The following ATF7IP2 variants were observed in gnomAD, a reference collection of about 807,000 sequenced individuals.
ATF7IP2 encodes the protein activating transcription factor 7-interacting protein 2.
A neutral mutation model predicts 64.2 loss-of-function variants in ATF7IP2; 42 were observed. The ratio of observed to expected loss-of-function variants is 0.65; its 90% CI spans 0.51 to 0.85. The LOEUF (loss-of-function observed/expected upper bound fraction) is 0.85. Ranked by LOEUF, ATF7IP2 falls within the 40% of genes least tolerant of loss-of-function variation. The pLI is 0.00. For synonymous variants in ATF7IP2, 308 were observed against 272.8 expected, an observed-to-expected ratio of 1.13 and a Z score of -1.27; for missense variants, 933 against 784.2, an observed-to-expected ratio of 1.19 and a Z score of -2.27.
At chr16:10,409,495 A>AC (rs1555505416) in intron 1 of ATF7IP2, among the ~76,000 whole-genome samples, 2 of 149,488 alleles carry the variant, frequency 1.3e-5, no homozygotes, top group Non-Finnish European at 3.0e-5. Flanking sequence ...TCCTTGATCC[A>AC]TTTTTTTTTT....
chr16:10,473,686 C>T (rs2049892521), intron 11 of ATF7IP2, 152 bp downstream of exon 11: 3 of 667,738 alleles, frequency 4.5e-6, no homozygotes, highest in Non-Finnish European at 7.8e-6. Flanking sequence ...CATAACGATA[C>T]TCATTTACCA....
intron 1 of ATF7IP2, among the ~76,000 whole-genome samples, chr16:10,412,200 A>G (rs553013062): frequency 6.8e-6 from 1 of 147,772 alleles, no homozygotes; most frequent in East Asian, 2.0e-4. Flanking sequence ...TCTTAGTTAT[A>G]TTCTTTCTTG....
chr16:10,415,307 G>A (rs191066566), intron 2 of ATF7IP2, among the ~76,000 whole-genome samples: 48 of 152,174 alleles, frequency 3.2e-4, no homozygotes, highest in South Asian at 2.9e-3. Context: ...TAGATATCCC[G>A]GAAACAAATC....
intron 1 of ATF7IP2, among the ~76,000 whole-genome samples, chr16:10,409,885 TGTAA>T (rs1378248413): frequency 6.6e-6 from 1 of 152,208 alleles, no homozygotes; most frequent in African/African-American, 2.4e-5. Flanking sequence ...CTCAGTTGAC[TGTAA>T]GTATTTGATT....
At chr16:10,425,873 A>G (rs1000669859) in intron 3 of ATF7IP2, among the ~76,000 whole-genome samples, 6 of 152,130 alleles carry the variant, frequency 3.9e-5, no homozygotes, top group Non-Finnish European at 8.8e-5. Context: ...AGCCTGGGCA[A>G]CAAGAGTGAA....
chr16:10,425,629 C>G (rs55868393), intron 3 of ATF7IP2, among the ~76,000 whole-genome samples: 1 of 152,020 alleles, frequency 6.6e-6, no homozygotes, highest in Non-Finnish European at 1.5e-5. Context: ...TGTGGTGGCT[C>G]ACATCTGTAA....
intron 1 of ATF7IP2, among the ~76,000 whole-genome samples, chr16:10,403,617 A>G (rs563125916): frequency 6.6e-6 from 1 of 152,354 alleles, no homozygotes; most frequent in East Asian, 1.9e-4. Flanking sequence ...GATTCTAACC[A>G]AAAATGATAA....
At chr16:10,475,722 GAAAAA>G (rs386384218) in intron 12 of ATF7IP2, among the ~76,000 whole-genome samples, 7 of 41,644 alleles carry the variant, frequency 1.7e-4, no homozygotes, top group African/African-American at 2.4e-4. Context: ...TAAGAAGCCA[GAAAAA>G]AAAAAAAAAA....
intron 1 of ATF7IP2, among the ~76,000 whole-genome samples, chr16:10,389,600 G>A (rs904591570): frequency 6.6e-6 from 1 of 152,098 alleles, no homozygotes; most frequent in Non-Finnish European, 1.5e-5. Flanking sequence ...ACAGGAAATC[G>A]ACATGGCTAA....
chr16:10,409,223 G>C (rs919607681), intron 1 of ATF7IP2, among the ~76,000 whole-genome samples: 1 of 152,124 alleles, frequency 6.6e-6, no homozygotes, highest in African/African-American at 2.4e-5. Context: ...GTGGTGGGAC[G>C]TGTGGTTTCG....
At chr16:10,392,054 A>AT (rs1246755590) in intron 1 of ATF7IP2, among the ~76,000 whole-genome samples, 6 of 100,502 alleles carry the variant, frequency 6.0e-5, no homozygotes, top group African/African-American at 2.2e-4. Flanking sequence ...TGGTTGTATT[A>AT]TCTTTTTTTT....
intron 9 of ATF7IP2, among the ~76,000 whole-genome samples, chr16:10,463,191 T>C (rs1423648087): frequency 6.6e-6 from 1 of 152,222 alleles, no homozygotes; most frequent in African/African-American, 2.4e-5. Flanking sequence ...TGTGTTTGAT[T>C]ACTGGATATT....
intron 8 of ATF7IP2, among the ~76,000 whole-genome samples, chr16:10,442,287 C>A (rs140060811): frequency 2.5e-3 from 377 of 152,290 alleles, no homozygotes; most frequent in African/African-American, 7.4e-3. Flanking sequence ...TAACAATTTT[C>A]CCCCTCTTGA....
rs779451060 is a variant in ATF7IP2, at chr16:10,457,396, T to C, written c.1219T>C (p.Leu407=). The change falls in exon 9 of 14, where the codon TTG becomes CTG. Residue 407 remains leucine (L), a synonymous_variant. Coordinates refer to ENST00000562102, the MANE Select transcript of ATF7IP2 (RefSeq NM_001393719.1). ...GGTTGCAAATTCAGAGGCTATGATT[T>C]TGGATAAGAATCTTGAGTCAGTTAA... ...SKVANSEAMI[L]DKNLESVNSP... 38 of 1,607,612 alleles carry C rather than the reference T, an allele frequency of 2.4e-5. No individual in the cohort carries two copies. Among genetic ancestry groups the C allele is most frequent in the Non-Finnish European group, 8.5e-7 (1 of 1,178,158 alleles).
At position 10,472,129 on chromosome 16, in the gene ATF7IP2, T is replaced by C. The variant is rs1051922271; in HGVS notation, c.1372T>C (p.Leu458=). 2 of 1,565,812 alleles carry C rather than the reference T, an allele frequency of 1.3e-6. No individual in the cohort carries two copies. Among genetic ancestry groups the C allele is most frequent in the Admixed American group, 1.8e-5 (1 of 55,318 alleles). ...TTTTAGTAACAATGATGATGTTATG[T>C]TGATTTCTGTGGAAAGTCCTAATTT... ...VSESNNDDVM[L]ISVESPNLTT... The change falls in exon 10 of 14, where the codon TTG becomes CTG. Residue 458 remains leucine, a synonymous_variant. Transcript: ENST00000562102.
intron 12 of ATF7IP2, among the ~76,000 whole-genome samples, chr16:10,476,984 T>C (rs147317151): frequency 1.1e-4 from 16 of 152,336 alleles, no homozygotes; most frequent in Admixed American, 2.6e-4. Context: ...ATTTTTCTAA[T>C]AGAATGATTA....
chr16:10,477,192 A>G (rs1448796959), intron 12 of ATF7IP2, among the ~76,000 whole-genome samples: 2 of 152,250 alleles, frequency 1.3e-5, no homozygotes, highest in African/African-American at 4.8e-5. Flanking sequence ...CAATCTGTCT[A>G]ACTGACAAAG....
At chr16:10,436,318 C>T (rs191200575) in intron 6 of ATF7IP2, among the ~76,000 whole-genome samples, 13 of 152,144 alleles carry the variant, frequency 8.5e-5, no homozygotes, top group Admixed American at 3.9e-4. Context: ...GCCGGGATCA[C>T]GCTGCTGCAC....
intron 9 of ATF7IP2, among the ~76,000 whole-genome samples, chr16:10,471,741 T>C (rs2049807565): frequency 6.6e-6 from 1 of 152,208 alleles, no homozygotes; most frequent in South Asian, 2.1e-4. Flanking sequence ...TTATGGGTCT[T>C]AATAGATTTC....
Sources: gnomAD v4.1 joint callset for allele counts (sites outside exome capture counted in the v4.1 genomes callset) on GRCh38, gnomAD v4.1.1 for gene constraint, MANE v1.5 for transcripts, NCBI Gene and HGNC (gene_info 2026-07-23, HGNC 2026-07-21) for gene names.